GRAMD1B: variants seen among roughly 807,000 people sequenced by gnomAD.
GRAMD1B encodes the protein protein Aster-B.
A neutral mutation model predicts 99.7 loss-of-function variants in GRAMD1B; 37 were observed. That is an observed-to-expected ratio of 0.37 (90% CI 0.29 to 0.49). The LOEUF is 0.49. Among genes scored for constraint, GRAMD1B ranks in the 20% least tolerant of loss-of-function variants. The pLI is 0.98. For missense variants in GRAMD1B, 888 were observed against 1,009.2 expected, an observed-to-expected ratio of 0.88 and a Z score of 1.63; for synonymous variants, 427 against 387.6, an observed-to-expected ratio of 1.10 and a Z score of -1.19.
chr11:123,410,638 GTCT>G (rs1948013550), intron 1 of GRAMD1B, among the ~76,000 whole-genome samples: 1 of 152,104 alleles, frequency 6.6e-6, no homozygotes, highest in Admixed American at 6.6e-5. Context: ...GTGCAGCCAT[GTCT>G]TCTTCTTGAG....
At chr11:123,540,069 A>G (rs1591890867) in intron 2 of GRAMD1B, among the ~76,000 whole-genome samples, 2 of 148,532 alleles carry the variant, frequency 1.3e-5, no homozygotes, top group Non-Finnish European at 1.5e-5. Context: ...CAATTTTTCT[A>G]TCTTCCTTTT....
intron 2 of GRAMD1B, among the ~76,000 whole-genome samples, chr11:123,527,323 C>A (rs1180495819): frequency 6.6e-6 from 1 of 152,222 alleles, no homozygotes; most frequent in African/African-American, 2.4e-5. Context: ...CTAGATTAAA[C>A]CCTGAGAGAA....
upstream of GRAMD1B, among the ~76,000 whole-genome samples, chr11:123,425,896 A>T (rs940781105): frequency 4.6e-5 from 7 of 152,224 alleles, no homozygotes; most frequent in African/African-American, 1.7e-4. Flanking sequence ...CGTGAAAGAA[A>T]CAAAAGGAGA....
intron 1 of GRAMD1B, among the ~76,000 whole-genome samples, chr11:123,473,658 A>G (rs1023476214): frequency 6.6e-6 from 1 of 152,178 alleles, no homozygotes; most frequent in Non-Finnish European, 1.5e-5. Flanking sequence ...TGAATCTTTG[A>G]CCAGGGATTC....
At chr11:123,389,928 C>T (rs1240378678) in intron 1 of GRAMD1B, among the ~76,000 whole-genome samples, 1 of 151,866 alleles carries the variant, frequency 6.6e-6, no homozygotes, top group Non-Finnish European at 1.5e-5. Context: ...CTAATGTTTT[C>T]CCATTTTTAG....
At chr11:123,578,657 G>C (rs56278918) in intron 3 of GRAMD1B, among the ~76,000 whole-genome samples, 8,667 of 152,154 alleles carry the variant, frequency 0.057, 384 homozygotes, top group African/African-American at 0.12. Flanking sequence ...CCCCACTCCC[G>C]ACCCTGCACC....
At chr11:123,598,220 C>T (rs1372884290) in intron 7 of GRAMD1B, 2 of 1,406,604 alleles carry the variant, frequency 1.4e-6, no homozygotes, top group Non-Finnish European at 1.0e-6. Flanking sequence ...GTGTAGTTTC[C>T]ACAGATCTCA....
At chr11:123,484,236 T>G (rs1249693143) in intron 2 of GRAMD1B, among the ~76,000 whole-genome samples, 3 of 152,162 alleles carry the variant, frequency 2.0e-5, no homozygotes, top group Admixed American at 2.0e-4. Context: ...GATTGACAGT[T>G]CCTCAACTCA....
chr11:123,427,320 C>T (rs1490591813), upstream of GRAMD1B, among the ~76,000 whole-genome samples: 1 of 152,200 alleles, frequency 6.6e-6, no homozygotes, highest in East Asian at 1.9e-4. Flanking sequence ...GATTAGCCAT[C>T]ATCATTTATC....
In GRAMD1B at chr11:123,510,252, A is replaced by G. The variant is rs954606513; in HGVS notation, c.452+29359A>G. On this transcript the variant is annotated intron_variant, in intron 2 of 19. Coordinates refer to ENST00000635736, the MANE Select transcript of GRAMD1B (RefSeq NM_001387025.1). The surrounding 1 kb of genome is among the most constrained non-coding windows in gnomAD (Gnocchi z 4.3). ...CCCCGGCTCTTGCTCATTACCTGCC[A>G]GCTGGCCTCTTCCCACATGCCCCCC... is the stretch of plus-strand genomic sequence containing the variant. Among the ~76,000 whole-genome samples the G allele has an allele frequency of 1.3e-5, 2 of 152,076 alleles. No homozygotes were observed. The highest frequency in any genetic ancestry group is 6.5e-5 in the Admixed American group (1 of 15,278).
chr11:123,448,636 A>C (rs1215509616), intron 1 of GRAMD1B, among the ~76,000 whole-genome samples: 2 of 152,062 alleles, frequency 1.3e-5, no homozygotes, highest in Non-Finnish European at 2.9e-5. Flanking sequence ...TTATACCTCC[A>C]CCTGACTAAT....
intron 2 of GRAMD1B, among the ~76,000 whole-genome samples, chr11:123,557,224 G>A (rs1448522675): frequency 6.6e-6 from 1 of 152,188 alleles, no homozygotes; most frequent in Non-Finnish European, 1.5e-5. Flanking sequence ...CTATCATCAG[G>A]ATAGTTTTGG....
Position 123,622,594 on chromosome 11 carries a change from G to A in GRAMD1B, c.2633G>A (p.Ter878=). The change falls in exon 20 of 20, where the codon TGA becomes TAA. Residue 878 remains the stop codon, a stop_retained_variant. Transcript: ENST00000635736. ...ESEEKRNRYH[*] is the part of the protein sequence containing the mutation. Reference sequence around the variant, plus strand: ...GAAGAAAAGAGGAATCGCTATCATTGACAAGGCAGGAACAGGGTGGCTGCA... The same window carrying A: ...GAAGAAAAGAGGAATCGCTATCATTAACAAGGCAGGAACAGGGTGGCTGCA... 6.5e-7 allele frequency: 1 copy of A among 1,532,046 alleles called. No homozygotes were observed. The highest frequency in any genetic ancestry group is 1.2e-5 in the South Asian group (1 of 83,762). The allele number at this position is 1,532,046 out of a possible 1,614,324, so 94.9% of individuals were successfully genotyped here. A position where few individuals can be genotyped will look rare whatever the true frequency, so the allele number is the denominator to read the frequency against.
chr11:123,410,472 G>A (rs989912197), intron 1 of GRAMD1B, among the ~76,000 whole-genome samples: 1 of 152,142 alleles, frequency 6.6e-6, no homozygotes, highest in Non-Finnish European at 1.5e-5. Context: ...GTCCCCAGAT[G>A]TCCTTAGATG....
At chr11:123,541,519 A>T (rs1944525155) in intron 2 of GRAMD1B, among the ~76,000 whole-genome samples, 1 of 145,008 alleles carries the variant, frequency 6.9e-6, no homozygotes, top group Non-Finnish European at 1.5e-5. Context: ...TGATCTATTT[A>T]TATTTCTTCT....
chr11:123,587,455 G>C lies in GRAMD1B; in HGVS notation c.684+3123G>C, dbSNP rs1470129138. 6.6e-6 allele frequency among the ~76,000 whole-genome samples: 1 copy of C among 152,198 alleles called. No homozygotes were observed. Among genetic ancestry groups the C allele is most frequent in the South Asian group, 2.1e-4 (1 of 4,826 alleles). ...GAGATGGAGGGAAAAGCAGAAATAG[G>C]GTTTTGCCTTCAGCAGGGAGCCAAG... On this transcript the variant is annotated intron_variant, in intron 4 of 19. Coordinates refer to ENST00000635736, the MANE Select transcript of GRAMD1B (RefSeq NM_001387025.1). This position sits in a 1 kb window ranked among gnomAD's most constrained non-coding sequence, Gnocchi z 4.2.
intron 1 of GRAMD1B, among the ~76,000 whole-genome samples, chr11:123,382,225 TCA>T (rs984556121): frequency 6.6e-6 from 1 of 152,188 alleles, no homozygotes; most frequent in African/African-American, 2.4e-5. Flanking sequence ...AGGTTCCTAA[TCA>T]CAGAGTGTGA....
intron 1 of GRAMD1B, among the ~76,000 whole-genome samples, chr11:123,479,149 C>G (rs1380524045): frequency 6.6e-6 from 1 of 152,210 alleles, no homozygotes; most frequent in Non-Finnish European, 1.5e-5. Context: ...ATTCCGTACA[C>G]AGTGAGTTCT....
At chr11:123,457,801 G>A (rs543449183) in intron 1 of GRAMD1B, among the ~76,000 whole-genome samples, 3 of 152,266 alleles carry the variant, frequency 2.0e-5, no homozygotes, top group African/African-American at 7.2e-5. Context: ...CTGCAGCCAC[G>A]ACCTCCTGGG....
Sources: gnomAD v4.1 joint callset for allele counts (sites outside exome capture counted in the v4.1 genomes callset) on GRCh38, gnomAD v4.1.1 for gene constraint, Gnocchi (gnomAD v3.1) non-coding constraint, MANE v1.5 for transcripts, NCBI Gene and HGNC (gene_info 2026-07-23, HGNC 2026-07-21) for gene names.